Variants in MARCHF6 observed in about 807,000 individuals in gnomAD.
The protein encoded by MARCHF6 is membrane associated ring-CH-type finger 6, also known as E3 ubiquitin-protein ligase MARCHF6.
A neutral mutation model predicts 133.7 loss-of-function variants in MARCHF6; 31 were observed. That is an observed-to-expected ratio of 0.23 (90% CI 0.17 to 0.31). The LOEUF (loss-of-function observed/expected upper bound fraction) is 0.31. Ranked by LOEUF, MARCHF6 falls within the 10% of genes least tolerant of loss-of-function variation. MARCHF6 has a pLI of 1.00. For synonymous variants in MARCHF6, 395 were observed against 402.5 expected, an observed-to-expected ratio of 0.98 and a Z score of 0.22; for missense variants, 723 against 1,121.6, an observed-to-expected ratio of 0.64 and a Z score of 5.08.
intron 16 of MARCHF6, among the ~76,000 whole-genome samples, chr5:10,406,630 C>T (rs747420461): frequency 2.0e-5 from 3 of 151,970 alleles, no homozygotes; most frequent in African/African-American, 4.8e-5. Flanking sequence ...CATAGTGATT[C>T]GCCCACCTCA....
intron 1 of MARCHF6, among the ~76,000 whole-genome samples, chr5:10,358,147 C>A (rs1025008059): frequency 5.9e-5 from 9 of 151,958 alleles, no homozygotes; most frequent in Admixed American, 1.3e-4. Context: ...GCATTCCAGG[C>A]AGAGGGAACA....
At chr5:10,384,752 G>A (rs183233207) in intron 4 of MARCHF6, among the ~76,000 whole-genome samples, 12 of 152,326 alleles carry the variant, frequency 7.9e-5, no homozygotes, top group Admixed American at 7.8e-4. Context: ...TGATCAAGGG[G>A]GAGCGCATAT....
chr5:10,376,007 C>T (rs1218757761), intron 1 of MARCHF6, among the ~76,000 whole-genome samples: 1 of 152,142 alleles, frequency 6.6e-6, no homozygotes, highest in Non-Finnish European at 1.5e-5. Context: ...GTAAATGTAC[C>T]AATCAGCACC....
At chr5:10,431,895 G>A (rs1275973299) in intron 25 of MARCHF6, among the ~76,000 whole-genome samples, 1 of 152,086 alleles carries the variant, frequency 6.6e-6, no homozygotes, top group Non-Finnish European at 1.5e-5. Context: ...GTATATTTTA[G>A]TAGATATTGC....
At chr5:10,416,203 A>G (rs890568743) in intron 21 of MARCHF6, among the ~76,000 whole-genome samples, 1 of 152,198 alleles carries the variant, frequency 6.6e-6, no homozygotes, top group African/African-American at 2.4e-5. Context: ...ATACTGTAAG[A>G]TGATTATCTG....
At chr5:10,383,442 C>T (rs538205652) in intron 4 of MARCHF6, among the ~76,000 whole-genome samples, 9 of 152,142 alleles carry the variant, frequency 5.9e-5, no homozygotes, top group East Asian at 3.9e-4. Flanking sequence ...GGTAGGGTGG[C>T]GATGGTGATA....
intron 22 of MARCHF6, among the ~76,000 whole-genome samples, chr5:10,420,260 A>G (rs564456053): frequency 3.3e-5 from 5 of 152,232 alleles, no homozygotes; most frequent in Non-Finnish European, 5.9e-5. Context: ...TTTACTGGGT[A>G]TAAGCAAGTA....
At position 10,435,357 on chromosome 5, in the gene MARCHF6, G is replaced by T. The variant is rs1294111455; in HGVS notation, c.*1673G>T. ...CACAAGGAGGCGAGGCTATGCGTTC[G>T]AGGCCAACCTAGGCAAAATTGGAAA... On this transcript the variant is annotated 3_prime_UTR_variant, in exon 26 of 26. Coordinates refer to ENST00000274140, the MANE Select transcript of MARCHF6 (RefSeq NM_005885.4). 1 of 148,084 alleles carries T rather than the reference G, an allele frequency of 6.8e-6. No homozygotes were observed. 9.2% of individuals were successfully genotyped at this position (148,084 alleles called of 1,614,324 possible).
intron 5 of MARCHF6, among the ~76,000 whole-genome samples, chr5:10,389,230 A>G (rs1160253895): frequency 2.0e-5 from 3 of 152,178 alleles, no homozygotes; most frequent in African/African-American, 7.2e-5. Context: ...AAGGAAAGAT[A>G]AGCCTCTTAA....
intron 1 of MARCHF6, among the ~76,000 whole-genome samples, chr5:10,371,806 A>G (rs766302234): frequency 3.0e-4 from 46 of 152,150 alleles, no homozygotes; most frequent in Non-Finnish European, 4.9e-4. Context: ...AAATGCCTTC[A>G]TTAAAGTTTC....
At chr5:10,391,361 G>C (rs768008173) in intron 6 of MARCHF6, among the ~76,000 whole-genome samples, 181 bp from the exon 7 acceptor site, 31 of 148,172 alleles carry the variant, frequency 2.1e-4, no homozygotes, top group Non-Finnish European at 3.6e-4. Context: ...TTGAACTCTT[G>C]AGCTCAAGCA....
chr5:10,415,845 T>C (rs1481432940), intron 21 of MARCHF6, among the ~76,000 whole-genome samples, 176 bp downstream of exon 21: 1 of 152,316 alleles, frequency 6.6e-6, no homozygotes, highest in African/African-American at 2.4e-5. Context: ...GGTTCATTCT[T>C]GTTCAGAGTC....
At chr5:10,391,464 TAGCAG>T in intron 6 of MARCHF6, 73 bp from the exon 7 acceptor site, 1 of 431,754 alleles carries the variant, frequency 2.3e-6, no homozygotes, top group Non-Finnish European at 4.0e-6. Flanking sequence ...TTTTTTTTTT[TAGCAG>T]GAATAATGTG....
At chr5:10,426,150 T>G (rs1375534832) in intron 23 of MARCHF6, among the ~76,000 whole-genome samples, 1 of 152,224 alleles carries the variant, frequency 6.6e-6, no homozygotes, top group East Asian at 1.9e-4. Flanking sequence ...TATTCTAGAT[T>G]AGTGTCTTAT....
At chr5:10,371,865 G>A (rs1274979678) in intron 1 of MARCHF6, among the ~76,000 whole-genome samples, 1 of 152,046 alleles carries the variant, frequency 6.6e-6, no homozygotes, top group Admixed American at 6.5e-5. Context: ...GTTGCTGCTG[G>A]CTGGCATCTA....
In MARCHF6 at chr5:10,394,069, AT is replaced by A. The variant is rs1343851818; in HGVS notation, c.767-11del. 3 of 1,476,556 alleles carry A rather than the reference AT, an allele frequency of 2.0e-6. No homozygotes were observed. Among genetic ancestry groups the A allele is most frequent in the Non-Finnish European group, 2.7e-6 (3 of 1,097,858 alleles). The allele number at this position is 1,476,556 out of a possible 1,614,324, so 91.5% of individuals were successfully genotyped here. A position where few individuals can be genotyped will look rare whatever the true frequency, so the allele number is the denominator to read the frequency against. ...TACTTCAAGTAATCTTTAAATTGCAATTATATTTTCAGATGACATGAATTGG... is the reference window on the plus strand; with the variant it reads ...TACTTCAAGTAATCTTTAAATTGCAATATATTTTCAGATGACATGAATTGG... On this transcript the variant is annotated splice_polypyrimidine_tract_variant and intron_variant, in intron 7 of 25. Coordinates refer to ENST00000274140, the MANE Select transcript of MARCHF6 (RefSeq NM_005885.4).
Position 10,414,456 on chromosome 5 carries a change from G to A in MARCHF6, c.1920G>A (p.Met640Ile), listed in dbSNP as rs1221726090. ...AGATATTTCTGTTGATTGTCTTCAT[G>A]TGTATAACATTACTGATTGCCAGCC... ...PLRIFLLIVF[M>I]CITLLIASLI... Residue 640 changes from methionine to isoleucine, a missense_variant, in exon 20 of 26, where the codon ATG becomes ATA. Met to Ile is a conservative substitution (Grantham distance 10). Transcript: ENST00000274140. 2.5e-6 allele frequency: 4 copies of A among 1,613,180 alleles called. No homozygotes were observed. The South Asian group carries it at 4.4e-5, about 18-fold the overall frequency.
chr5:10,358,640 G>A (rs1055533296), intron 1 of MARCHF6, among the ~76,000 whole-genome samples: 1 of 152,042 alleles, frequency 6.6e-6, no homozygotes, highest in Non-Finnish European at 1.5e-5. Context: ...AACTACATGG[G>A]TCCACTTACA....
chr5:10,384,347 A>T (rs1020877001), intron 4 of MARCHF6, among the ~76,000 whole-genome samples: 17 of 152,112 alleles, frequency 1.1e-4, no homozygotes, highest in African/African-American at 4.1e-4. Flanking sequence ...ATTGAAAGCC[A>T]TGGAGTGAGA....
Sources: allele counts gnomAD v4.1 joint callset (sites outside exome capture counted in the v4.1 genomes callset), GRCh38; gene constraint gnomAD v4.1.1; transcripts MANE v1.5; gene names NCBI Gene and HGNC (gene_info 2026-07-23, HGNC 2026-07-21).